The following PRDM16 variants were observed in gnomAD, a reference collection of about 807,000 sequenced individuals.
PRDM16 encodes the protein PR/SET domain 16.
In PRDM16, 23 loss-of-function variants were observed where a neutral mutation model predicts 110.6. The observed-to-expected ratio is 0.21, with a 90% CI of 0.15 to 0.29. The LOEUF (loss-of-function observed/expected upper bound fraction) is 0.29, where lower values mean the gene tolerates loss of function less well. Among genes scored for constraint, PRDM16 ranks in the 10% least tolerant of loss-of-function variants. PRDM16 has a pLI of 1.00. For missense variants in PRDM16, 1,615 were observed against 1,794.3 expected, an observed-to-expected ratio of 0.90 and a Z score of 1.81; for synonymous variants, 799 against 781.8, an observed-to-expected ratio of 1.02 and a Z score of -0.37.
At chr1:3,084,542 C>T (rs1044895079) in intron 1 of PRDM16, among the ~76,000 whole-genome samples, 15 of 152,294 alleles carry the variant, frequency 9.8e-5, no homozygotes, top group Non-Finnish European at 2.1e-4. Flanking sequence ...AAAGCGGCTG[C>T]TTGCTGCAGT....
At chr1:3,315,701 G>A (rs927741066) in intron 3 of PRDM16, among the ~76,000 whole-genome samples, 1 of 151,344 alleles carries the variant, frequency 6.6e-6, no homozygotes, top group Non-Finnish European at 1.5e-5. Context: ...ACCCCTCCAT[G>A]AAGGAAAGCC....
intron 3 of PRDM16, among the ~76,000 whole-genome samples, chr1:3,272,442 G>A (rs2455125): frequency 0.29 from 43,749 of 151,888 alleles, 10,097 homozygotes; most frequent in African/African-American, 0.63. Flanking sequence ...GCTGGACTCT[G>A]TCCTGGGCAC....
intron 3 of PRDM16, among the ~76,000 whole-genome samples, chr1:3,296,516 G>C (rs750949850): frequency 6.6e-6 from 1 of 152,252 alleles, no homozygotes; most frequent in Non-Finnish European, 1.5e-5. Flanking sequence ...CCGGGGCCTC[G>C]TGTTGCTGTT....
chr1:3,232,549 C>G (rs1033515778), intron 2 of PRDM16, among the ~76,000 whole-genome samples: 1 of 152,150 alleles, frequency 6.6e-6, no homozygotes, highest in African/African-American at 2.4e-5. Flanking sequence ...GTTTGCGGAA[C>G]TCAGAAATGC....
chr1:3,404,550 G>A (rs774015468), intron 6 of PRDM16, among the ~76,000 whole-genome samples, 189 bp from the exon 7 acceptor site: 5 of 152,194 alleles, frequency 3.3e-5, no homozygotes, highest in South Asian at 4.1e-4. Context: ...GGGGAAGGCC[G>A]CCTCTGCCCC....
At chr1:3,184,516 C>T (rs1176159656) in intron 1 of PRDM16, among the ~76,000 whole-genome samples, 1 of 152,162 alleles carries the variant, frequency 6.6e-6, no homozygotes, top group African/African-American at 2.4e-5. Flanking sequence ...GGTGACGGAG[C>T]TCACCCCACC....
chr1:3,413,186 T>TA (rs1167169380), intron 9 of PRDM16, among the ~76,000 whole-genome samples: 1 of 140,702 alleles, frequency 7.1e-6, no homozygotes, highest in Non-Finnish European at 1.6e-5. Context: ...GTCTCTGGTC[T>TA]AGCTCTCCCC....
At chr1:3,167,197 A>G (rs767715881) in intron 1 of PRDM16, among the ~76,000 whole-genome samples, 1 of 152,140 alleles carries the variant, frequency 6.6e-6, no homozygotes, top group South Asian at 2.1e-4. Flanking sequence ...ATAGAGGAGG[A>G]GGAGCCAGGG....
intron 1 of PRDM16, among the ~76,000 whole-genome samples, chr1:3,161,449 C>A (rs1006439677): frequency 6.6e-6 from 1 of 152,114 alleles, no homozygotes; most frequent in African/African-American, 2.4e-5. Flanking sequence ...CGGGCAATGG[C>A]GTGAGGAGAT....
intron 14 of PRDM16, among the ~76,000 whole-genome samples, chr1:3,429,426 C>G (rs1325408947): frequency 6.6e-6 from 1 of 152,260 alleles, no homozygotes; most frequent in East Asian, 1.9e-4. Context: ...GTGGGAAGCC[C>G]ATGCAAACCC....
intron 1 of PRDM16, among the ~76,000 whole-genome samples, chr1:3,177,642 G>T (rs1034831940): frequency 2.7e-4 from 41 of 152,212 alleles, no homozygotes; most frequent in Admixed American, 2.5e-3. Context: ...CAACGTCAGT[G>T]CTCTATTGTC....
At chr1:3,181,057 C>A (rs910844757) in intron 1 of PRDM16, among the ~76,000 whole-genome samples, 3 of 135,312 alleles carry the variant, frequency 2.2e-5, no homozygotes, top group Admixed American at 1.5e-4. Flanking sequence ...CAGTCTTACA[C>A]GCGGTCTTAC....
chr1:3,088,399 C>G (rs184417689), intron 1 of PRDM16, among the ~76,000 whole-genome samples: 1 of 152,128 alleles, frequency 6.6e-6, no homozygotes, highest in Non-Finnish European at 1.5e-5. Flanking sequence ...TAACAACCCC[C>G]CCAGCAGGCT....
At chr1:3,094,168 G>A (rs1642338973) in intron 1 of PRDM16, among the ~76,000 whole-genome samples, 1 of 152,202 alleles carries the variant, frequency 6.6e-6, no homozygotes. Context: ...CAGAGCTGGG[G>A]AGGAAAAGGG....
At chr1:3,241,219 G>A (rs1017077945) in intron 2 of PRDM16, among the ~76,000 whole-genome samples, 13 of 152,274 alleles carry the variant, frequency 8.5e-5, no homozygotes, top group Non-Finnish European at 1.9e-4. Context: ...CCAGCGCCCT[G>A]CCTGCAGGAG....
chr1:3,091,548 GTGCACCCCTCATTCCC>G (rs1198616541), intron 1 of PRDM16, among the ~76,000 whole-genome samples: 2 of 152,232 alleles, frequency 1.3e-5, no homozygotes, highest in South Asian at 4.1e-4. Context: ...ACACTTCTCC[GTGCACCCCTCATTCCC>G]TTGGGAGAGT....
At chr1:3,419,556 A>G (rs1187954747) in intron 12 of PRDM16, among the ~76,000 whole-genome samples, 1 of 152,122 alleles carries the variant, frequency 6.6e-6, no homozygotes, top group African/African-American at 2.4e-5. Context: ...GAATGGGGAA[A>G]CGCTGGTTTT....
At chr1:3,312,398 G>T (rs1451042506) in intron 3 of PRDM16, among the ~76,000 whole-genome samples, 1 of 152,204 alleles carries the variant, frequency 6.6e-6, no homozygotes, top group Non-Finnish European at 1.5e-5. Context: ...GGACCACAGG[G>T]CCCCGAGGGC....
intron 3 of PRDM16, among the ~76,000 whole-genome samples, chr1:3,365,377 A>G (rs377514455): frequency 3.3e-5 from 5 of 152,320 alleles, no homozygotes; most frequent in African/African-American, 1.2e-4. Context: ...AGGAAGAGGA[A>G]AGGCGCGTGT....
Sources: gnomAD v4.1 joint callset for allele counts (sites outside exome capture counted in the v4.1 genomes callset) on GRCh38, gnomAD v4.1.1 for gene constraint, MANE v1.5 for transcripts, NCBI Gene and HGNC (gene_info 2026-07-23, HGNC 2026-07-21) for gene names.